The following PWWP2A variants were observed in gnomAD, a reference collection of about 807,000 sequenced individuals.
The protein encoded by PWWP2A is PWWP domain containing 2A.
PWWP2A carries 18 observed loss-of-function variants against 48.5 expected under a neutral mutation model. The ratio of observed to expected loss-of-function variants is 0.37; its 90% CI spans 0.26 to 0.55. PWWP2A has a LOEUF of 0.55. Ranked by LOEUF, PWWP2A falls within the 20% of genes least tolerant of loss-of-function variation. PWWP2A has a pLI of 0.81. For missense variants in PWWP2A, 867 were observed against 976.4 expected (o/e 0.89, Z 1.49); for synonymous variants, 396 against 387.7 (o/e 1.02, Z -0.25).
downstream of PWWP2A, among the ~76,000 whole-genome samples, chr5:160,073,323 G>A (rs1753790382): frequency 6.6e-6 from 1 of 151,516 alleles, no homozygotes; most frequent in Non-Finnish European, 1.5e-5. Context: ...CTGCCTCCCG[G>A]GTTCACGCCA....
chr5:160,045,520 A>ACTCTCTCT, the PWWP2A span, among the ~76,000 whole-genome samples: 4 of 54,884 alleles, frequency 7.3e-5, no homozygotes, highest in Non-Finnish European at 9.8e-5. Flanking sequence ...ACACATACAC[A>ACTCTCTCT]CTCTCTCTCT....
chr5:160,099,902 C>T (rs1005449577), intron 1 of PWWP2A, among the ~76,000 whole-genome samples: 1 of 151,820 alleles, frequency 6.6e-6, no homozygotes, highest in Admixed American at 6.6e-5. Context: ...TTGGCCTCAA[C>T]TGATCTGCCC....
downstream of PWWP2A, among the ~76,000 whole-genome samples, chr5:160,060,795 C>G (rs1753361739): frequency 1.3e-5 from 2 of 152,230 alleles, no homozygotes; most frequent in Admixed American, 1.3e-4. Context: ...GTAAATTTTT[C>G]AGTCACCAAA....
chr5:160,061,068 G>A (rs1222887584), downstream of PWWP2A, among the ~76,000 whole-genome samples: 4 of 152,176 alleles, frequency 2.6e-5, no homozygotes, highest in Admixed American at 6.5e-5. Context: ...CCTGTGGCAC[G>A]GGAACCGTAG....
At chr5:160,071,164 G>A (rs1308808032), downstream of PWWP2A, among the ~76,000 whole-genome samples, 2 of 152,162 alleles carry the variant, frequency 1.3e-5, no homozygotes, top group Non-Finnish European at 2.9e-5. Flanking sequence ...ATTCCAGCCT[G>A]GGAATGAGAC....
intron 1 of PWWP2A, among the ~76,000 whole-genome samples, chr5:160,110,106 C>T (rs1251444055): frequency 2.0e-5 from 3 of 151,276 alleles, no homozygotes; most frequent in Non-Finnish European, 2.9e-5. Flanking sequence ...CTGCAGCCTC[C>T]GCCTCCCGGA....
chr5:160,056,941 C>T (rs145949375), downstream of PWWP2A, among the ~76,000 whole-genome samples: 50 of 152,284 alleles, frequency 3.3e-4, no homozygotes, highest in East Asian at 9.1e-3. Flanking sequence ...CCTCTTAAAG[C>T]TGCTGAAGCC....
intron 1 of PWWP2A, among the ~76,000 whole-genome samples, chr5:160,094,970 C>T (rs1246898785): frequency 7.4e-6 from 1 of 135,926 alleles, no homozygotes; most frequent in Non-Finnish European, 1.5e-5. Flanking sequence ...ATGGCGTGAA[C>T]CCAAGAGGCA....
downstream of PWWP2A, among the ~76,000 whole-genome samples, chr5:160,074,164 G>A (rs544479034): frequency 2.8e-4 from 42 of 151,288 alleles, 1 homozygote; most frequent in South Asian, 8.0e-3. Flanking sequence ...ATTCTGGCCA[G>A]GCAGTGGCTC....
At chr5:160,096,630 T>C (rs1164373915) in intron 1 of PWWP2A, among the ~76,000 whole-genome samples, 3 of 152,182 alleles carry the variant, frequency 2.0e-5, no homozygotes, top group African/African-American at 4.8e-5. Context: ...TCTTACTGAT[T>C]TATAAAATTT....
At chr5:160,060,578 G>A (rs1182618356), downstream of PWWP2A, among the ~76,000 whole-genome samples, 1 of 152,230 alleles carries the variant, frequency 6.6e-6, no homozygotes, top group East Asian at 1.9e-4. Context: ...AGATAGGGAA[G>A]ACAGAATTTG....
chr5:160,087,842 C>A (rs895976521), downstream of PWWP2A, among the ~76,000 whole-genome samples: 1 of 152,132 alleles, frequency 6.6e-6, no homozygotes, highest in Non-Finnish European at 1.5e-5. Flanking sequence ...AACGTTAGGT[C>A]TCTTACTTGA....
At chr5:160,084,893 G>A (rs1282018494) in intron 2 of PWWP2A, among the ~76,000 whole-genome samples, 1 of 151,514 alleles carries the variant, frequency 6.6e-6, no homozygotes, top group African/African-American at 2.4e-5. Context: ...TATTTTACCT[G>A]ACATCCCTAG....
Position 160,092,294 on chromosome 5 carries a change from G to A in PWWP2A, c.*88C>T, listed in dbSNP as rs1260649106. ...TGAGTGCAACTTCTCTCTCCAATCT[G>A]GCCACGCTATTTTGTAGAAATTATT... is the stretch of plus-strand genomic sequence containing the variant. On this transcript the variant is annotated 3_prime_UTR_variant, in exon 2 of 2. Transcript: ENST00000307063. The A allele has an allele frequency of 1.4e-6, 2 of 1,447,296 alleles. No homozygotes were observed. Among genetic ancestry groups the A allele is most frequent in the Admixed American group, 5.7e-5 (2 of 35,176 alleles). The allele number at this position is 1,447,296 out of a possible 1,614,324, so 89.7% of individuals were successfully genotyped here. A position where few individuals can be genotyped will look rare whatever the true frequency, so the allele number is the denominator to read the frequency against.
the PWWP2A span, among the ~76,000 whole-genome samples, chr5:160,045,454 C>A: frequency 2.3e-3 from 90 of 38,908 alleles, no homozygotes; most frequent in African/African-American, 5.5e-3. Context: ...CCCCCACCCT[C>A]CACACACACA....
downstream of PWWP2A, among the ~76,000 whole-genome samples, chr5:160,058,473 C>T (rs376182788): frequency 1.5e-4 from 21 of 144,098 alleles, no homozygotes; most frequent in South Asian, 2.6e-3. Context: ...TGCAGTGGTG[C>T]GATCTCGGCT....
downstream of PWWP2A, among the ~76,000 whole-genome samples, chr5:160,089,343 T>C (rs554663630): frequency 7.4e-4 from 113 of 152,294 alleles, no homozygotes; most frequent in African/African-American, 2.2e-3. Context: ...GCTGGGACTA[T>C]AGGCGTGCGC....
intron 1 of PWWP2A, among the ~76,000 whole-genome samples, chr5:160,109,777 ATATATATAT>A (rs1757308122): frequency 1.8e-4 from 6 of 32,554 alleles, no homozygotes; most frequent in African/African-American, 3.6e-4. Context: ...AAAAAAAAAT[ATATATATAT>A]ATATATATAT....
Position 160,092,025 on chromosome 5 carries a change from T to C in PWWP2A, c.*357A>G, listed in dbSNP as rs1243938905. The stretch of plus-strand genomic sequence containing the variant: ...ATATACATACACGGATATATATATA[T>C]ACACACACACACACGTATATATATG... On this transcript the variant is annotated 3_prime_UTR_variant, in exon 2 of 2. Coordinates refer to ENST00000307063, the MANE Select transcript of PWWP2A (RefSeq NM_001130864.2). 2.1e-4 allele frequency: 89 copies of C among 433,894 alleles called. 8 individuals are homozygous for C. The highest frequency in any genetic ancestry group is 2.5e-3 in the Middle Eastern group (2 of 816). 26.9% of individuals were successfully genotyped at this position (433,894 alleles called of 1,614,324 possible).
Sources: gnomAD v4.1 joint callset for allele counts (sites outside exome capture counted in the v4.1 genomes callset) on GRCh38, gnomAD v4.1.1 for gene constraint, MANE v1.5 for transcripts, NCBI Gene and HGNC (gene_info 2026-07-23, HGNC 2026-07-21) for gene names.